Variants in ADGRB3 observed in about 807,000 individuals in gnomAD.
ADGRB3 encodes the protein brain-specific angiogenesis inhibitor 3.
In ADGRB3, 37 loss-of-function variants were observed where a neutral mutation model predicts 193.4. That is an observed-to-expected ratio of 0.19 (90% CI 0.15 to 0.25). The LOEUF (loss-of-function observed/expected upper bound fraction) is 0.25, where lower values mean the gene tolerates loss of function less well. Ranked by LOEUF, ADGRB3 falls within the 10% of genes least tolerant of loss-of-function variation. ADGRB3 has a pLI of 1.00. For missense variants in ADGRB3, 1,637 were observed against 1,852.9 expected, an observed-to-expected ratio of 0.88 and a Z score of 2.14; for synonymous variants, 690 against 644.2, an observed-to-expected ratio of 1.07 and a Z score of -1.08.
At position 69,327,737 on chromosome 6, in the gene ADGRB3, T is replaced by G. The variant is rs993923124; in HGVS notation, c.2966-83T>G. The G allele has an allele frequency of 2.7e-6, 3 of 1,120,798 alleles. No homozygotes were observed. The African/African-American group carries it at 4.7e-5, about 18-fold the overall frequency. 69.4% of individuals were successfully genotyped at this position (1,120,798 alleles called of 1,614,324 possible). ...AGATAGTTTATCTAATTTGAGCACCTGGAGTTTGTTCTGGCTTTTCTTAGA... is the reference window on the plus strand; with the variant it reads ...AGATAGTTTATCTAATTTGAGCACCGGGAGTTTGTTCTGGCTTTTCTTAGA... On this transcript the variant is annotated intron_variant, in intron 21 of 31. Transcript: ENST00000370598.
At chr6:68,698,404 A>G (rs1765190237) in intron 3 of ADGRB3, among the ~76,000 whole-genome samples, 1 of 152,030 alleles carries the variant, frequency 6.6e-6, no homozygotes, top group Non-Finnish European at 1.5e-5. Flanking sequence ...AAGCACTTAA[A>G]TCATACCATA....
intron 3 of ADGRB3, among the ~76,000 whole-genome samples, chr6:68,676,389 C>CAAAAAAAAAAAAAAAAAAAAAAAA (rs70987431): frequency 1.2e-5 from 1 of 84,638 alleles, no homozygotes; most frequent in Non-Finnish European, 2.4e-5. Flanking sequence ...GACTCTGTCT[C>CAAAAAAAAAAAAAAAAAAAAAAAA]AAAAAAAAAA....
chr6:68,873,023 T>G (rs537711325), intron 3 of ADGRB3, among the ~76,000 whole-genome samples: 2 of 152,124 alleles, frequency 1.3e-5, no homozygotes, highest in Non-Finnish European at 2.9e-5. Context: ...TAATGTAGAG[T>G]GGCTACATTC....
intron 13 of ADGRB3, among the ~76,000 whole-genome samples, chr6:69,031,571 C>CTTTCTCT (rs1337493560): frequency 7.5e-5 from 8 of 106,838 alleles, no homozygotes; most frequent in Non-Finnish European, 1.4e-4. Flanking sequence ...TTCTTTTCTT[C>CTTTCTCT]CTCTGTCTCT....
At chr6:69,028,995 C>A (rs1236858381) in intron 13 of ADGRB3, among the ~76,000 whole-genome samples, 1 of 152,096 alleles carries the variant, frequency 6.6e-6, no homozygotes, top group African/African-American at 2.4e-5. Flanking sequence ...GAGGGGTACC[C>A]ACATAATTTG....
chr6:68,636,443 GATAA>G (rs79779792), intron 1 of ADGRB3, among the ~76,000 whole-genome samples: 6,511 of 145,190 alleles, frequency 0.045, 167 homozygotes, highest in African/African-American at 0.059. Flanking sequence ...CTCAGCAAGA[GATAA>G]ATAAATAAAT....
At chr6:68,752,092 G>T (rs998394375) in intron 3 of ADGRB3, among the ~76,000 whole-genome samples, 2 of 151,906 alleles carry the variant, frequency 1.3e-5, no homozygotes, top group African/African-American at 4.8e-5. Context: ...GATTTAATTG[G>T]TAAAATTTAG....
chr6:69,075,686 T>A (rs966272834), intron 16 of ADGRB3, among the ~76,000 whole-genome samples: 1 of 152,122 alleles, frequency 6.6e-6, no homozygotes, highest in African/African-American at 2.4e-5. Context: ...GAGACATAAG[T>A]ATAAAATCAA....
chr6:69,300,949 A>G (rs1437463920), intron 20 of ADGRB3, among the ~76,000 whole-genome samples: 1 of 151,792 alleles, frequency 6.6e-6, no homozygotes, highest in East Asian at 1.9e-4. Context: ...TGGTGCAGAG[A>G]TGTAGGAAGA....
At chr6:69,104,009 G>A (rs962275505) in intron 17 of ADGRB3, among the ~76,000 whole-genome samples, 50 of 151,952 alleles carry the variant, frequency 3.3e-4, no homozygotes, top group African/African-American at 1.0e-3. Flanking sequence ...TGTTTGTATC[G>A]TAGATTCCAT....
At chr6:69,122,232 C>G (rs903600458) in intron 17 of ADGRB3, among the ~76,000 whole-genome samples, 1 of 151,610 alleles carries the variant, frequency 6.6e-6, no homozygotes, top group Non-Finnish European at 1.5e-5. Context: ...GCAGACCACT[C>G]GAGGTCAGGA....
At chr6:69,374,341 G>A (rs1769768527) in intron 30 of ADGRB3, among the ~76,000 whole-genome samples, 1 of 152,016 alleles carries the variant, frequency 6.6e-6, no homozygotes. Flanking sequence ...GTTCTTGAGG[G>A]AAAGTCCAAG....
At chr6:68,913,089 C>A (rs1056910302) in intron 3 of ADGRB3, among the ~76,000 whole-genome samples, 45 of 152,212 alleles carry the variant, frequency 3.0e-4, no homozygotes, top group Non-Finnish European at 2.1e-4. Context: ...GGCCTGCCTG[C>A]CTCTGTAGGC....
At chr6:69,005,669 C>G (rs1769726758) in intron 11 of ADGRB3, among the ~76,000 whole-genome samples, 1 of 152,152 alleles carries the variant, frequency 6.6e-6, no homozygotes, top group Non-Finnish European at 1.5e-5. Flanking sequence ...TCCTTTTGGT[C>G]TGGCAGGTTG....
At chr6:69,034,647 G>C (rs535928370) in intron 13 of ADGRB3, among the ~76,000 whole-genome samples, 1 of 146,222 alleles carries the variant, frequency 6.8e-6, no homozygotes, top group East Asian at 2.0e-4. Flanking sequence ...TAACTATATG[G>C]TGAGAGACAG....
intron 3 of ADGRB3, among the ~76,000 whole-genome samples, chr6:68,835,133 C>A (rs1312995375): frequency 2.0e-5 from 3 of 152,092 alleles, no homozygotes; most frequent in Non-Finnish European, 2.9e-5. Flanking sequence ...TGACCTTACA[C>A]AATGGGACTT....
chr6:68,797,856 G>A (rs1767240401), intron 3 of ADGRB3, among the ~76,000 whole-genome samples: 1 of 152,092 alleles, frequency 6.6e-6, no homozygotes, highest in Non-Finnish European at 1.5e-5. Context: ...ATCTTAAGTA[G>A]GGAAACTAAA....
At chr6:69,224,513 A>G (rs1010748869) in intron 17 of ADGRB3, among the ~76,000 whole-genome samples, 33 of 152,208 alleles carry the variant, frequency 2.2e-4, no homozygotes, top group Middle Eastern at 3.2e-3. Context: ...AGATTAACAA[A>G]TGATCAATGT....
intron 17 of ADGRB3, among the ~76,000 whole-genome samples, chr6:69,202,730 GA>G (rs1262400975): frequency 3.3e-5 from 5 of 152,106 alleles, no homozygotes; most frequent in Non-Finnish European, 7.4e-5. Flanking sequence ...ACTGAATAAA[GA>G]AAAGCTGGGT....
Sources: gnomAD v4.1 joint callset for allele counts (sites outside exome capture counted in the v4.1 genomes callset) on GRCh38, gnomAD v4.1.1 for gene constraint, MANE v1.5 for transcripts, NCBI Gene and HGNC (gene_info 2026-07-23, HGNC 2026-07-21) for gene names.